HCN1: variants seen among roughly 807,000 people sequenced by gnomAD.
HCN1 encodes hyperpolarization activated cyclic nucleotide gated potassium channel 1, also known as potassium/sodium hyperpolarization-activated cyclic nucleotide-gated channel 1.
HCN1 carries 13 observed loss-of-function variants against 78.9 expected under a neutral mutation model. That is an observed-to-expected ratio of 0.16 (90% CI 0.11 to 0.26). The LOEUF (loss-of-function observed/expected upper bound fraction) is 0.26. Among genes scored for constraint, HCN1 ranks in the 10% least tolerant of loss-of-function variants. HCN1 has a pLI of 1.00. For synonymous variants in HCN1, 552 were observed against 455.5 expected, an observed-to-expected ratio of 1.21 and a Z score of -2.70; for missense variants, 810 against 1,154.3, an observed-to-expected ratio of 0.70 and a Z score of 4.32.
intron 5 of HCN1, among the ~76,000 whole-genome samples, chr5:45,311,734 A>G (rs143021737): frequency 2.0e-5 from 3 of 152,224 alleles, no homozygotes; most frequent in Admixed American, 1.3e-4. Flanking sequence ...AAGGTTTCTC[A>G]TTGAAAATGC....
At chr5:45,390,880 G>C (rs950822824) in intron 4 of HCN1, among the ~76,000 whole-genome samples, 1 of 152,104 alleles carries the variant, frequency 6.6e-6, no homozygotes, top group African/African-American at 2.4e-5. Context: ...TGTACCAGGA[G>C]CCTGATTTGC....
At chr5:45,604,874 A>G (rs1017747529) in intron 2 of HCN1, among the ~76,000 whole-genome samples, 2 of 152,108 alleles carry the variant, frequency 1.3e-5, no homozygotes, top group African/African-American at 4.8e-5. Flanking sequence ...GACCGCATCT[A>G]AACAGTGATT....
At chr5:45,395,369 C>T (rs1263235654) in intron 4 of HCN1, among the ~76,000 whole-genome samples, 2 of 152,040 alleles carry the variant, frequency 1.3e-5, no homozygotes, top group African/African-American at 4.8e-5. Context: ...TCGTTCTTTC[C>T]AATTCATTTG....
chr5:45,551,857 T>A (rs751276317), intron 2 of HCN1, among the ~76,000 whole-genome samples: 19 of 151,958 alleles, frequency 1.3e-4, no homozygotes, highest in African/African-American at 4.6e-4. Context: ...ATAAAAACTG[T>A]CTGGCTATTT....
intron 3 of HCN1, among the ~76,000 whole-genome samples, chr5:45,444,787 TC>T (rs2111578177): frequency 6.6e-6 from 1 of 151,494 alleles, no homozygotes; most frequent in East Asian, 1.9e-4. Context: ...TTTCTTTTTT[TC>T]TTTTTCTTTC....
intron 2 of HCN1, among the ~76,000 whole-genome samples, chr5:45,501,583 G>A (rs1410917935): frequency 1.3e-5 from 2 of 152,050 alleles, no homozygotes; most frequent in African/African-American, 4.8e-5. Context: ...TGGGACTACA[G>A]GCACCCGCCA....
At chr5:45,544,550 T>C (rs578198601) in intron 2 of HCN1, among the ~76,000 whole-genome samples, 4 of 152,042 alleles carry the variant, frequency 2.6e-5, no homozygotes, top group African/African-American at 9.6e-5. Flanking sequence ...ACCCGTTAAA[T>C]TGTCATTTAC....
intron 4 of HCN1, among the ~76,000 whole-genome samples, chr5:45,390,291 G>C (rs1739512423): frequency 6.6e-6 from 1 of 152,116 alleles, no homozygotes; most frequent in Non-Finnish European, 1.5e-5. Flanking sequence ...TGGTCACCAG[G>C]TTTCCCTGTG....
At chr5:45,454,881 C>T (rs1195972531) in intron 3 of HCN1, among the ~76,000 whole-genome samples, 6 of 151,930 alleles carry the variant, frequency 3.9e-5, no homozygotes, top group African/African-American at 7.2e-5. Context: ...AAATTATTTA[C>T]TTAAAATATC....
chr5:45,337,245 T>TA (rs146172867), intron 5 of HCN1, among the ~76,000 whole-genome samples: 10,201 of 152,108 alleles, frequency 0.067, 463 homozygotes, highest in Non-Finnish European at 0.1. Flanking sequence ...TTCTTAAAGT[T>TA]AAAAAGAAAC....
chr5:45,365,630 G>A (rs536047355), intron 4 of HCN1, among the ~76,000 whole-genome samples: 72 of 151,784 alleles, frequency 4.7e-4, no homozygotes, highest in African/African-American at 1.7e-3. Flanking sequence ...TTGTCATTGC[G>A]AATAGGGCTG....
intron 2 of HCN1, among the ~76,000 whole-genome samples, chr5:45,573,747 C>A (rs779110750): frequency 6.6e-6 from 1 of 151,928 alleles, no homozygotes; most frequent in Non-Finnish European, 1.5e-5. Flanking sequence ...TTACTGACTG[C>A]TGACATTTGG....
At chr5:45,690,130 T>C (rs1260191984) in intron 1 of HCN1, among the ~76,000 whole-genome samples, 1 of 152,116 alleles carries the variant, frequency 6.6e-6, no homozygotes, top group Non-Finnish European at 1.5e-5. Context: ...ACAAAGCTGA[T>C]AGTCTAAAAT....
intron 2 of HCN1, among the ~76,000 whole-genome samples, chr5:45,471,111 C>G (rs993795605): frequency 6.6e-6 from 1 of 151,848 alleles, no homozygotes; most frequent in Non-Finnish European, 1.5e-5. Flanking sequence ...TGACTCCATT[C>G]CTTCAAGCAT....
intron 2 of HCN1, among the ~76,000 whole-genome samples, chr5:45,639,928 C>T (rs1278825855): frequency 6.6e-6 from 1 of 152,136 alleles, no homozygotes; most frequent in East Asian, 1.9e-4. Context: ...GTCTACATCT[C>T]CAAACTCAAT....
intron 2 of HCN1, among the ~76,000 whole-genome samples, chr5:45,469,566 T>TA (rs1393944136): frequency 6.6e-6 from 1 of 151,942 alleles, no homozygotes; most frequent in Non-Finnish European, 1.5e-5. Flanking sequence ...GTCTGAAGAT[T>TA]ATTTGATGTT....
At position 45,633,141 on chromosome 5, in the gene HCN1, A is replaced by G. The variant is rs367844784; in HGVS notation, c.849+12044T>C. ...AAATGCAGAGTTTTTAAGACTGCCT[A>G]TAAAATTAAAATATATTGTTATTTC... On this transcript the variant is annotated intron_variant, in intron 2 of 7. Coordinates refer to ENST00000303230, the MANE Select transcript of HCN1 (RefSeq NM_021072.4). 8.0e-4 allele frequency among the ~76,000 whole-genome samples: 121 copies of G among 152,126 alleles called. 2 individuals are homozygous for G. The South Asian group carries it at 0.018, about 23-fold the overall frequency.
At chr5:45,263,437 A>G (rs570584848) in intron 7 of HCN1, among the ~76,000 whole-genome samples, 172 of 152,290 alleles carry the variant, frequency 1.1e-3, no homozygotes, top group Non-Finnish European at 2.0e-3. Flanking sequence ...TTGCTATGGA[A>G]AATGAACCAA....
chr5:45,693,400 C>G (rs1580053741), intron 1 of HCN1, among the ~76,000 whole-genome samples: 1 of 152,134 alleles, frequency 6.6e-6, no homozygotes, highest in Non-Finnish European at 1.5e-5. Context: ...TTAAAAAGAT[C>G]TAAATAATGA....
Sources: gnomAD v4.1 joint callset for allele counts (sites outside exome capture counted in the v4.1 genomes callset) on GRCh38, gnomAD v4.1.1 for gene constraint, MANE v1.5 for transcripts, NCBI Gene and HGNC (gene_info 2026-07-23, HGNC 2026-07-21) for gene names.